Variants in NAV2 observed in about 807,000 individuals in gnomAD.
NAV2 encodes neuron navigator 2.
A neutral mutation model predicts 223.2 loss-of-function variants in NAV2; 54 were observed. That is an observed-to-expected ratio of 0.24 (90% confidence interval 0.19 to 0.30). NAV2 has a LOEUF of 0.30. Among genes scored for constraint, NAV2 ranks in the 10% least tolerant of loss-of-function variants. The pLI is 1.00. For missense variants in NAV2, 2,806 were observed against 3,147.5 expected, an observed-to-expected ratio of 0.89 and a Z score of 2.60; for synonymous variants, 1,279 against 1,239.3, an observed-to-expected ratio of 1.03 and a Z score of -0.67.
chr11:19,496,442 C>A (rs1233405718), intron 1 of NAV2, among the ~76,000 whole-genome samples: 2 of 152,186 alleles, frequency 1.3e-5, no homozygotes, highest in East Asian at 3.8e-4. Flanking sequence ...GATGATTTAC[C>A]CACATGCCTG....
At chr11:19,762,012 G>A (rs761980224) in intron 1 of NAV2, among the ~76,000 whole-genome samples, 3 of 152,130 alleles carry the variant, frequency 2.0e-5, no homozygotes, top group Non-Finnish European at 4.4e-5. Flanking sequence ...GGAGGCCAAG[G>A]GGGGCGGATC....
intron 1 of NAV2, chr11:19,777,402 C>T (rs1374269238): frequency 3.5e-5 from 15 of 426,628 alleles, no homozygotes; most frequent in Non-Finnish European, 6.0e-5. Flanking sequence ...GCAGGTGCTT[C>T]GGCTTTTTTT....
At chr11:19,734,272 GC>G (rs2152428487) in intron 1 of NAV2, among the ~76,000 whole-genome samples, 1 of 152,284 alleles carries the variant, frequency 6.6e-6, no homozygotes, top group South Asian at 2.1e-4. Flanking sequence ...TTTACTAAAT[GC>G]CTTTATTAAA....
intron 1 of NAV2, among the ~76,000 whole-genome samples, chr11:19,514,082 CCCA>C (rs2043364365): frequency 6.8e-6 from 1 of 147,764 alleles, no homozygotes; most frequent in Non-Finnish European, 1.5e-5. Context: ...TCTACCCTGC[CCCA>C]CCATTTCAGC....
Position 20,103,199 on chromosome 11 carries a change from T to C in NAV2, c.6418-56T>C, listed in dbSNP as rs111900477. Reference sequence around the variant, plus strand: ...TGAGGCAAAGGCCCTGAGCGGTGTGTCTTCACTGAGTGCATTCACCCACTT... The same window carrying C: ...TGAGGCAAAGGCCCTGAGCGGTGTGCCTTCACTGAGTGCATTCACCCACTT... On this transcript the variant is annotated intron_variant, in intron 32 of 37. Coordinates refer to ENST00000349880, the MANE Select transcript of NAV2 (RefSeq NM_145117.5). 3.4e-5 allele frequency: 53 copies of C among 1,558,496 alleles called. 5 individuals are homozygous for C. The African/African-American group carries it at 3.6e-4, about 11-fold the overall frequency.
intron 1 of NAV2, among the ~76,000 whole-genome samples, chr11:19,823,578 C>G (rs1022121219): frequency 6.6e-6 from 1 of 152,028 alleles, no homozygotes; most frequent in Admixed American, 6.6e-5. Flanking sequence ...TGGGCTCAAG[C>G]AATCTGACTG....
chr11:20,068,455 G>T, intron 22 of NAV2, 57 bp downstream of exon 22: 1 of 1,316,254 alleles, frequency 7.6e-7, no homozygotes, highest in South Asian at 1.2e-5. Flanking sequence ...CTTGCCTTCT[G>T]AACAGCCTCA....
chr11:19,419,115 G>T (rs2702740), intron 1 of NAV2, among the ~76,000 whole-genome samples: 226 of 152,018 alleles, frequency 1.5e-3, no homozygotes, highest in Non-Finnish European at 2.6e-3. Flanking sequence ...AGTGGCACTG[G>T]GGGGCTGGCA....
intron 1 of NAV2, among the ~76,000 whole-genome samples, chr11:19,412,712 G>A (rs1472850055): frequency 1.3e-5 from 2 of 152,218 alleles, no homozygotes; most frequent in South Asian, 2.1e-4. Flanking sequence ...CTCTGATGAA[G>A]CTTCCAAAGG....
rs557734702 is a variant in NAV2 at position 19,664,865 on chromosome 11, C to T, written c.76-167619C>T. 3.9e-5 allele frequency among the ~76,000 whole-genome samples: 6 copies of T among 152,354 alleles called. 1 individual carries two copies. The highest frequency in any genetic ancestry group is 1.4e-4 in the African/African-American group (6 of 41,574). On this transcript the variant is annotated intron_variant, in intron 1 of 37. Coordinates refer to the NAV2 transcript ENST00000360655. The stretch of plus-strand genomic sequence containing the variant: ...GCAATGTGCTAGACATATTTATATT[C>T]ACTCTCGCATTCCATCCTCAGGGCA...
At chr11:20,056,913 A>G (rs1167525267) in intron 19 of NAV2, among the ~76,000 whole-genome samples, 1 of 152,234 alleles carries the variant, frequency 6.6e-6, no homozygotes, top group African/African-American at 2.4e-5. Context: ...TTAACACAAT[A>G]ATGTTATTAC....
At chr11:20,095,177 A>G (rs1234057171) in intron 29 of NAV2, among the ~76,000 whole-genome samples, 1 of 152,224 alleles carries the variant, frequency 6.6e-6, no homozygotes, top group Non-Finnish European at 1.5e-5. Flanking sequence ...TAAACTTGAT[A>G]TGCAAAAATA....
intron 1 of NAV2, among the ~76,000 whole-genome samples, chr11:19,638,195 T>C (rs2047558144): frequency 6.6e-6 from 1 of 152,036 alleles, no homozygotes; most frequent in Non-Finnish European, 1.5e-5. Flanking sequence ...GATCCAGGAG[T>C]GAGCACCCGA....
chr11:19,992,045 G>A (rs1218196851), intron 11 of NAV2, among the ~76,000 whole-genome samples: 1 of 152,228 alleles, frequency 6.6e-6, no homozygotes, highest in African/African-American at 2.4e-5. Flanking sequence ...GATGCTTCCA[G>A]CACAGTGGCC....
At chr11:20,075,542 G>A (rs2069250334) in intron 22 of NAV2, among the ~76,000 whole-genome samples, 1 of 151,998 alleles carries the variant, frequency 6.6e-6, no homozygotes, top group South Asian at 2.1e-4. Flanking sequence ...CGCCTGGCCT[G>A]TCTCCATTTT....
At chr11:19,388,479 C>T (rs571889177) in intron 1 of NAV2, among the ~76,000 whole-genome samples, 147 of 152,252 alleles carry the variant, frequency 9.7e-4, no homozygotes, top group Non-Finnish European at 1.9e-3. Context: ...TAAAAACACC[C>T]ATGTAATACA....
chr11:19,919,916 T>C (rs1390831069), intron 6 of NAV2, among the ~76,000 whole-genome samples: 14 of 152,082 alleles, frequency 9.2e-5, no homozygotes. Flanking sequence ...GGAGGATTAC[T>C]CGAGCCCAGG....
At chr11:19,726,136 G>GA (rs1258962909) in intron 1 of NAV2, among the ~76,000 whole-genome samples, 4 of 152,176 alleles carry the variant, frequency 2.6e-5, no homozygotes, top group Non-Finnish European at 4.4e-5. Context: ...AATGGGAAAG[G>GA]AAAAATCCCT....
chr11:19,693,107 T>C (rs2049229209), intron 1 of NAV2, among the ~76,000 whole-genome samples: 1 of 152,244 alleles, frequency 6.6e-6, no homozygotes, highest in Non-Finnish European at 1.5e-5. Flanking sequence ...TGCCCTTGTA[T>C]TTTCAGATTA....
Sources: gnomAD v4.1 joint callset for allele counts (sites outside exome capture counted in the v4.1 genomes callset) on GRCh38, gnomAD v4.1.1 for gene constraint, MANE v1.5 for transcripts, NCBI Gene and HGNC (gene_info 2026-07-23, HGNC 2026-07-21) for gene names.